The following VWA3A variants were observed in gnomAD, a reference collection of about 807,000 sequenced individuals.
VWA3A encodes von Willebrand factor A domain containing 3A, also known as von Willebrand factor A domain-containing protein 3A.
A neutral mutation model predicts 160.4 loss-of-function variants in VWA3A; 134 were observed. That is an observed-to-expected ratio of 0.84 (90% CI 0.73 to 0.96). VWA3A has a LOEUF of 0.96. VWA3A is among the 40% of genes least tolerant of loss of function. VWA3A has a pLI of 0.00. For missense variants in VWA3A, 1,310 were observed against 1,447.9 expected (o/e 0.90, Z 1.55); for synonymous variants, 476 against 543.4 (o/e 0.88, Z 1.72).
intron 6 of VWA3A, 128 bp from the exon 7 acceptor site, chr16:22,109,354 G>C: frequency 2.7e-6 from 2 of 731,938 alleles, no homozygotes; most frequent in Non-Finnish European, 4.6e-6. Context: ...TATAAAATGA[G>C]GTTTCCATCT....
At chr16:22,116,342 G>T in intron 9 of VWA3A, 1 of 370,142 alleles carries the variant, frequency 2.7e-6, no homozygotes, top group Non-Finnish European at 5.3e-6. Context: ...GAGAGAGAAA[G>T]AAAAAAGAAA....
chr16:22,131,362 A>G (rs1848776257), intron 18 of VWA3A, 83 bp downstream of exon 18: 3 of 1,524,744 alleles, frequency 2.0e-6, no homozygotes, highest in Non-Finnish European at 1.8e-6. Flanking sequence ...CTCTCCACCA[A>G]GAAGTAGCTC....
chr16:22,119,147 GA>G, intron 12 of VWA3A, 120 bp downstream of exon 12: 2 of 1,129,278 alleles, frequency 1.8e-6, no homozygotes, highest in African/African-American at 1.7e-5. Flanking sequence ...TCCTAAAATC[GA>G]AACAAGGCAA....
chr16:22,104,502 G>C (rs1006015085), intron 6 of VWA3A, among the ~76,000 whole-genome samples: 3 of 151,642 alleles, frequency 2.0e-5, no homozygotes, highest in Non-Finnish European at 4.4e-5. Context: ...ACAAACAAAC[G>C]AAAAGAAAAC....
chr16:22,141,803 ACTGG>A, intron 24 of VWA3A, 111 bp downstream of exon 24: 1 of 861,526 alleles, frequency 1.2e-6, no homozygotes, highest in Non-Finnish European at 1.8e-6. Flanking sequence ...GGACCTAGGC[ACTGG>A]TGCCTCTGGA....
intron 10 of VWA3A, 78 bp from the exon 11 acceptor site, chr16:22,117,033 G>A: frequency 1.3e-6 from 2 of 1,496,808 alleles, no homozygotes; most frequent in Non-Finnish European, 1.8e-6. Context: ...GGATAATTGG[G>A]AGGTTCAGTC....
In VWA3A at chr16:22,116,977, A is replaced by C; in HGVS notation, c.924+110A>C. 3.5e-6 allele frequency: 5 copies of C among 1,408,520 alleles called. No homozygotes were observed. The South Asian group carries it at 6.1e-5, about 17-fold the overall frequency. The allele number at this position is 1,408,520 out of a possible 1,614,324, so 87.3% of individuals were successfully genotyped here. ...GCCCCCGAGCTGTGGACCAGAATGC[A>C]CCTGTCCCTGTGCCTGGTTCTCCCT... On this transcript the variant is annotated intron_variant, in intron 10 of 33. Transcript: ENST00000389398.
chr16:22,097,187 G>A (rs142562613), intron 2 of VWA3A, among the ~76,000 whole-genome samples: 78 of 152,036 alleles, frequency 5.1e-4, no homozygotes, highest in African/African-American at 1.8e-3. Flanking sequence ...GGATGGTCTC[G>A]ATCCCCTGAC....
At chr16:22,155,696 C>T in intron 32 of VWA3A, 32 bp downstream of exon 32, 1 of 1,608,690 alleles carries the variant, frequency 6.2e-7, no homozygotes, top group Admixed American at 1.7e-5. Flanking sequence ...TCCGGCCTGC[C>T]ATGTGGCTAC....
chr16:22,136,831 G>A (rs2046049799), intron 21 of VWA3A, among the ~76,000 whole-genome samples: 1 of 151,710 alleles, frequency 6.6e-6, no homozygotes, highest in African/African-American at 2.4e-5. Context: ...AGGAGATCGA[G>A]ACCATCCTGG....
intron 14 of VWA3A, among the ~76,000 whole-genome samples, chr16:22,122,376 G>A (rs1272515764): frequency 6.6e-6 from 1 of 151,848 alleles, no homozygotes; most frequent in East Asian, 1.9e-4. Flanking sequence ...AGGGTAAAAG[G>A]GAAAATGGAA....
Position 22,092,639 on chromosome 16 carries a change from TGAA to T in VWA3A, c.6_8del (p.Lys3?). On this transcript the variant is annotated start_lost and inframe_deletion, in exon 1 of 34. Coordinates refer to ENST00000389398, the MANE Select transcript of VWA3A (RefSeq NM_173615.5). ...CTTCTCCCAAAGATGGAGAAATAAA[TGAA>T]GAAATACAGGTGAGGGTGAGCATCA... The T allele has an allele frequency of 6.4e-7, 1 of 1,550,692 alleles. No individual in the cohort carries two copies. The highest frequency in any genetic ancestry group is 8.7e-7 in the Non-Finnish European group (1 of 1,146,386).
chr16:22,102,303 A>G (rs2045419312), intron 5 of VWA3A, among the ~76,000 whole-genome samples: 1 of 152,122 alleles, frequency 6.6e-6, no homozygotes, highest in Non-Finnish European at 1.5e-5. Context: ...GTGAGCCATG[A>G]TCGTACCACT....
At chr16:22,122,119 T>TGATG (rs113111289) in intron 14 of VWA3A, among the ~76,000 whole-genome samples, 31,444 of 145,780 alleles carry the variant, frequency 0.22, 3,744 homozygotes, top group African/African-American at 0.35. Flanking sequence ...AGGAAAAGAA[T>TGATG]GATGGATGGA....
At chr16:22,093,420 C>G (rs537999044) in intron 1 of VWA3A, among the ~76,000 whole-genome samples, 3 of 152,042 alleles carry the variant, frequency 2.0e-5, no homozygotes, top group Non-Finnish European at 2.9e-5. Context: ...AAGGTACTCA[C>G]AGAAGACCTC....
intron 17 of VWA3A, among the ~76,000 whole-genome samples, chr16:22,130,628 G>A (rs2045930825): frequency 6.6e-6 from 1 of 152,162 alleles, no homozygotes; most frequent in South Asian, 2.1e-4. Context: ...TTTTGAGATG[G>A]GATCTCACTC....
chr16:22,145,437 G>C (rs1262572210), intron 26 of VWA3A, among the ~76,000 whole-genome samples: 1 of 152,054 alleles, frequency 6.6e-6, no homozygotes, highest in East Asian at 1.9e-4. Context: ...TCAGGAGTTC[G>C]AGACCACCCT....
intron 21 of VWA3A, among the ~76,000 whole-genome samples, chr16:22,137,456 T>C (rs1474292307): frequency 6.6e-6 from 1 of 152,180 alleles, no homozygotes. Context: ...CTGGTTTGAA[T>C]TGAAGTTTCT....
At chr16:22,099,035 G>T (rs2045367044) in intron 3 of VWA3A, among the ~76,000 whole-genome samples, 1 of 151,728 alleles carries the variant, frequency 6.6e-6, no homozygotes, top group South Asian at 2.1e-4. Context: ...AGCTGAGGCT[G>T]CAGTAAGCTG....
Sources: allele counts gnomAD v4.1 joint callset (sites outside exome capture counted in the v4.1 genomes callset), GRCh38; gene constraint gnomAD v4.1.1; transcripts MANE v1.5; gene names NCBI Gene and HGNC (gene_info 2026-07-23, HGNC 2026-07-21).